GALNS: variants seen among roughly 807,000 people sequenced by gnomAD.
GALNS encodes the protein N-acetylgalactosamine-6-sulfatase.
GALNS carries 65 observed loss-of-function variants against 65.9 expected under a neutral mutation model. That is an observed-to-expected ratio of 0.99 (90% CI 0.81 to 1.21). GALNS has a LOEUF of 1.21. Ranked by LOEUF, GALNS falls within the 50% of genes most tolerant of loss-of-function variation. GALNS has a pLI of 0.00. For synonymous variants in GALNS, 346 were observed against 288.9 expected, an observed-to-expected ratio of 1.20 and a Z score of -2.00; for missense variants, 776 against 700.7, an observed-to-expected ratio of 1.11 and a Z score of -1.21.
At chr16:88,818,404 C>A (rs1909863333) in intron 12 of GALNS, among the ~76,000 whole-genome samples, 1 of 152,200 alleles carries the variant, frequency 6.6e-6, no homozygotes, top group Non-Finnish European at 1.5e-5. Flanking sequence ...CCGTCCCATC[C>A]TGTCCCTGCC....
Position 88,816,268 on chromosome 16 carries a change from C to T in GALNS, c.1482+1739G>A, listed in dbSNP as rs187363785. ...CTCCATGGCAGGTGTGGCCTGCGCCCGTGGAGCCACTGCAGCCTGGGTCGT... is the reference window on the plus strand; with the variant it reads ...CTCCATGGCAGGTGTGGCCTGCGCCTGTGGAGCCACTGCAGCCTGGGTCGT... On this transcript the variant is annotated intron_variant, in intron 13 of 13. Transcript: ENST00000268695. 208 of 985,438 alleles carry T rather than the reference C, an allele frequency of 2.1e-4. 1 individual carries two copies. In the African/African-American group the frequency reaches 3.2e-3, roughly 15 times the overall value. 61.0% of individuals were successfully genotyped at this position (985,438 alleles called of 1,614,324 possible).
intron 1 of GALNS, chr16:88,856,448 C>G (rs1967889706): frequency 1.4e-6 from 1 of 700,492 alleles, no homozygotes; most frequent in South Asian, 1.5e-5. Context: ...GCCGGCCACC[C>G]ACCTGCCAGG....
chr16:88,819,967 C>T (rs1028499647), intron 12 of GALNS, among the ~76,000 whole-genome samples: 9 of 150,780 alleles, frequency 6.0e-5, no homozygotes, highest in Non-Finnish European at 7.4e-5. Context: ...GCTGGGATTA[C>T]AGGTGTGAGC....
chr16:88,815,504 C>T (rs558442173), intron 13 of GALNS: 12 of 985,446 alleles, frequency 1.2e-5, no homozygotes, highest in East Asian at 1.1e-4. Context: ...CCTTGCTTAG[C>T]GGAAGCCTTG....
intron 12 of GALNS, among the ~76,000 whole-genome samples, chr16:88,821,080 C>CG (rs1910165309): frequency 2.0e-5 from 3 of 152,168 alleles, no homozygotes; most frequent in Admixed American, 1.3e-4. Flanking sequence ...ACGAGTCCCC[C>CG]GGGGGCGTCT....
intron 10 of GALNS, among the ~76,000 whole-genome samples, 187 bp from the exon 11 acceptor site, chr16:88,825,056 G>GGGGCTGGAGCTCCTGGGCGGCCA (rs1910673285): frequency 1.2e-4 from 17 of 145,326 alleles, no homozygotes; most frequent in African/African-American, 3.7e-4. Context: ...CTGGGCGGCC[G>GGGGCTGGAGCTCCTGGGCGGCCA]GGGCTGGAGC....
At chr16:88,830,570 G>T (rs1911396334) in intron 9 of GALNS, among the ~76,000 whole-genome samples, 1 of 152,232 alleles carries the variant, frequency 6.6e-6, no homozygotes, top group South Asian at 2.1e-4. Flanking sequence ...AAACAGTGAA[G>T]AAACAGCGGT....
Position 88,834,106 on chromosome 16 carries a change from A to G in GALNS, c.898+1107T>C, listed in dbSNP as rs147398710. The stretch of plus-strand genomic sequence containing the variant: ...GGCCTCGACTCGTGGGTCTGACTCC[A>G]GTGGGCGGGAGATGGAGCTGTCCGG... On this transcript the variant is annotated intron_variant, in intron 8 of 13. Coordinates refer to ENST00000268695, the MANE Select transcript of GALNS (RefSeq NM_000512.5). Among the ~76,000 whole-genome samples, 178 of 152,160 alleles carry G rather than the reference A, an allele frequency of 1.2e-3. 1 individual carries two copies. The highest frequency in any genetic ancestry group is 4.2e-3 in the African/African-American group (173 of 41,528).
At chr16:88,825,973 T>C (rs79738791) in intron 10 of GALNS, among the ~76,000 whole-genome samples, 7,507 of 152,268 alleles carry the variant, frequency 0.049, 228 homozygotes, top group South Asian at 0.082. Context: ...TTGAGTGGAA[T>C]GGTGGCTGCT....
chr16:88,851,815 C>T (rs532998572), intron 1 of GALNS, among the ~76,000 whole-genome samples: 8 of 152,352 alleles, frequency 5.3e-5, no homozygotes, highest in South Asian at 2.1e-4. Flanking sequence ...GAGGGGCGTC[C>T]GCCATTGCTG....
intron 8 of GALNS, among the ~76,000 whole-genome samples, chr16:88,834,460 C>CTCT (rs1491430019): frequency 2.1e-3 from 83 of 39,874 alleles, no homozygotes; most frequent in African/African-American, 8.2e-3. Context: ...GGCTGTAGGG[C>CTCT]CCCCCCCGTG....
At chr16:88,846,390 G>A (rs1967243133) in intron 1 of GALNS, among the ~76,000 whole-genome samples, 1 of 152,138 alleles carries the variant, frequency 6.6e-6, no homozygotes, top group African/African-American at 2.4e-5. Context: ...CGGACGGCTG[G>A]GGGCCACCAG....
At chr16:88,836,380 G>T in intron 5 of GALNS, 113 bp from the exon 6 acceptor site, 1 of 867,510 alleles carries the variant, frequency 1.2e-6, no homozygotes, top group Non-Finnish European at 1.9e-6. Context: ...CTAGGGCTGG[G>T]CGTCATGGCT....
chr16:88,847,088 C>G (rs1251712684), intron 1 of GALNS, among the ~76,000 whole-genome samples: 1 of 152,212 alleles, frequency 6.6e-6, no homozygotes, highest in Non-Finnish European at 1.5e-5. Context: ...GGAACGCAAA[C>G]AGCTCCACCC....
intron 5 of GALNS, 145 bp from the exon 6 acceptor site, chr16:88,836,412 T>G: frequency 1.4e-6 from 1 of 736,994 alleles, no homozygotes; most frequent in Non-Finnish European, 2.4e-6. Context: ...TCCCAGCATT[T>G]TGGGAGGCTG....
intron 2 of GALNS, 153 bp from the exon 3 acceptor site, chr16:88,842,124 G>T: frequency 1.4e-6 from 1 of 739,248 alleles, no homozygotes; most frequent in South Asian, 1.5e-5. Context: ...CCCCGTTAGC[G>T]TCTCCACCAC....
intron 5 of GALNS, 40 bp downstream of exon 5, chr16:88,837,582 A>G: frequency 6.2e-7 from 1 of 1,605,206 alleles, no homozygotes; most frequent in Non-Finnish European, 8.5e-7. Context: ...CGGGCACAGC[A>G]GTTCAGGACG....
intron 1 of GALNS, among the ~76,000 whole-genome samples, chr16:88,846,659 C>CA (rs1332689900): frequency 3.3e-5 from 5 of 152,034 alleles, no homozygotes; most frequent in Admixed American, 6.6e-5. Context: ...ACTCCTGCCT[C>CA]AGCCTCCCAA....
Position 88,822,725 on chromosome 16 carries a change from G to C in GALNS, c.1243-15C>G. ...AAATCAATGCCCTGCAATGAGAAGAGGGAAGGTGTGTCCTGGAGCCCCTGA... is the reference window on the plus strand; with the variant it reads ...AAATCAATGCCCTGCAATGAGAAGACGGAAGGTGTGTCCTGGAGCCCCTGA... On this transcript the variant is annotated splice_polypyrimidine_tract_variant and intron_variant, in intron 11 of 13. Coordinates refer to ENST00000268695, the MANE Select transcript of GALNS (RefSeq NM_000512.5). 2 of 1,611,104 alleles carry C rather than the reference G, an allele frequency of 1.2e-6. No individual in the cohort carries two copies. The highest frequency in any genetic ancestry group is 1.7e-6 in the Non-Finnish European group (2 of 1,178,866).
Sources: gnomAD v4.1 joint callset for allele counts (sites outside exome capture counted in the v4.1 genomes callset) on GRCh38, gnomAD v4.1.1 for gene constraint, MANE v1.5 for transcripts, NCBI Gene and HGNC (gene_info 2026-07-23, HGNC 2026-07-21) for gene names.